THBS4: variants seen among roughly 807,000 people sequenced by gnomAD.
The protein encoded by THBS4 is thrombospondin-4.
In THBS4, 90 loss-of-function variants were observed where a neutral mutation model predicts 115.7. The observed-to-expected ratio is 0.78, with a 90% CI of 0.66 to 0.93. The LOEUF (loss-of-function observed/expected upper bound fraction) is 0.93. Among genes scored for constraint, THBS4 ranks in the 40% least tolerant of loss-of-function variants. The pLI is 0.00. For synonymous variants in THBS4, 460 were observed against 479.3 expected, an observed-to-expected ratio of 0.96 and a Z score of 0.53; for missense variants, 1,087 against 1,232.7, an observed-to-expected ratio of 0.88 and a Z score of 1.77.
chr5:79,996,334 T>A (rs1021965964), intron 1 of THBS4, among the ~76,000 whole-genome samples: 4 of 152,236 alleles, frequency 2.6e-5, no homozygotes, highest in East Asian at 1.9e-4. Context: ...TCAGTTTTTT[T>A]AAATGGAAAT....
At chr5:80,015,368 A>G (rs1168778151) in intron 2 of THBS4, among the ~76,000 whole-genome samples, 2 of 152,028 alleles carry the variant, frequency 1.3e-5, no homozygotes, top group African/African-American at 4.8e-5. Flanking sequence ...TGGGGCTTGC[A>G]AGGCCTAGTC....
rs1490836062 is a variant in THBS4, at chr5:80,078,173, C to T, written c.2211C>T (p.Val737=). The T allele has an allele frequency of 6.2e-7, 1 of 1,609,422 alleles. No homozygotes were observed. The highest frequency in any genetic ancestry group is 1.3e-5 in the African/African-American group (1 of 74,854). ...LTDFRAYQTV[V]LDPEGDAQID... is the part of the protein sequence containing the mutation. Reference sequence around the variant, plus strand: ...ACTTCAGGGCTTACCAGACCGTGGTCCTGGATCCTGAAGGGGATGCCCAGA... The same window carrying T: ...ACTTCAGGGCTTACCAGACCGTGGTTCTGGATCCTGAAGGGGATGCCCAGA... Residue 737 remains valine (V), a synonymous_variant, in exon 17 of 22, where the codon GTC becomes GTT. Transcript: ENST00000350881.
intron 12 of THBS4, 34 bp downstream of exon 12, chr5:80,070,784 C>T (rs1834017817): frequency 6.2e-7 from 1 of 1,604,070 alleles, no homozygotes; most frequent in Non-Finnish European, 8.5e-7. Context: ...TGTGAATTGC[C>T]ACGTACCAGG....
Position 80,079,316 on chromosome 5 carries a change from A to AT in THBS4, c.2511+58_2511+59insT. 3 of 1,506,172 alleles carry AT rather than the reference A, an allele frequency of 2.0e-6. No homozygotes were observed. The East Asian group carries it at 6.8e-5, about 34-fold the overall frequency. The allele number at this position is 1,506,172 out of a possible 1,614,324, so 93.3% of individuals were successfully genotyped here. ...TCTTCTGGACCTCTCATCTTTTTTC[A>AT]GATATTGTGTTTTCCCATGTGGTAC... On this transcript the variant is annotated intron_variant, in intron 19 of 21. Transcript: ENST00000350881.
chr5:80,071,175 G>A lies in THBS4; in HGVS notation c.1715G>A (p.Gly572Glu), dbSNP rs1488555106. Residue 572 changes from glycine (G) to glutamate (E), a missense_variant, in exon 13 of 22, where the codon GGA (glycine) becomes GAA (glutamate). Coordinates refer to ENST00000350881, the MANE Select transcript of THBS4 (RefSeq NM_003248.6). ...RGDACDDDMD[G>E]DGIKNILDNC... The stretch of plus-strand genomic sequence containing the variant: ...GATGCCTGTGATGATGACATGGATG[G>A]AGATGGTAGATTTATCTTGCTTTTG... 6.4e-7 allele frequency: 1 copy of A among 1,573,038 alleles called. No individual in the cohort carries two copies. The highest frequency in any genetic ancestry group is 1.7e-4 in the Middle Eastern group (1 of 5,950).
intron 15 of THBS4, chr5:80,075,231 C>T (rs1205682329): frequency 1.3e-5 from 2 of 152,114 alleles, no homozygotes; most frequent in Non-Finnish European, 2.9e-5. Flanking sequence ...TACGGAACCG[C>T]GGATACAGAG....
chr5:80,043,505 G>C (rs916864156), intron 2 of THBS4, among the ~76,000 whole-genome samples: 1 of 152,138 alleles, frequency 6.6e-6, no homozygotes, highest in Non-Finnish European at 1.5e-5. Context: ...CGTGGAAAAC[G>C]GTGAAACAGA....
rs764216922 is a variant in THBS4, at chr5:80,079,097, A to G, written c.2350A>G (p.Thr784Ala). 6.2e-7 allele frequency: 1 copy of G among 1,613,798 alleles called. No homozygotes were observed. The highest frequency in any genetic ancestry group is 8.5e-7 in the Non-Finnish European group (1 of 1,179,832). ...TTTTAATGGAGTTGACTTCGAAGGG[A>G]CCTTCCATGTGAATACCCAGACAGA... ...TAFNGVDFEG[T>A]FHVNTQTDDD... is the part of the protein sequence containing the mutation. Residue 784 changes from threonine (T) to alanine (A), a missense_variant, in exon 19 of 22, where the codon ACC becomes GCC. Transcript: ENST00000350881.
At chr5:80,055,056 T>G (rs1047063915) in intron 2 of THBS4, among the ~76,000 whole-genome samples, 1 of 151,958 alleles carries the variant, frequency 6.6e-6, no homozygotes, top group Non-Finnish European at 1.5e-5. Context: ...GCACAGTGGC[T>G]CACACCTGTA....
Position 80,070,685 on chromosome 5 carries a change from G to A in THBS4, c.1495G>A (p.Asp499Asn), listed in dbSNP as rs772578141. The A allele has an allele frequency of 6.2e-7, 1 of 1,614,218 alleles. No individual in the cohort carries two copies. The highest frequency in any genetic ancestry group is 8.5e-7 in the Non-Finnish European group (1 of 1,180,044). ...GCCAAATTCTGGCCAAGAAGATGCA[G>A]ACAGAGATGGCATTGGCGACGCTTG... ...YVPNSGQEDA[D>N]RDGIGDACDE... Residue 499 changes from aspartate to asparagine, a missense_variant, in exon 12 of 22, where the codon GAC becomes AAC. Asp to Asn is a conservative substitution (Grantham distance 23). Around this residue, in one of 3 missense-constraint regions of THBS4, gnomAD observed 979 missense variants for 1,103.7 expected, o/e 0.89. Transcript: ENST00000350881.
In THBS4 at chr5:80,071,089, T is replaced by G. The variant is rs774628350; in HGVS notation, c.1629T>G (p.Cys543Trp). The G allele has an allele frequency of 1.9e-6, 3 of 1,613,116 alleles. No homozygotes were observed. In the East Asian group the frequency reaches 6.7e-5, roughly 36 times the overall value. ...ATAAAGATATCTTTGGGGATGCCTGTGATAACTGCCTGAGTGTCTTAAATA... is the reference window on the plus strand; with the variant it reads ...ATAAAGATATCTTTGGGGATGCCTGGGATAACTGCCTGAGTGTCTTAAATA... ...NSDKDIFGDA[C>W]DNCLSVLNND... is the part of the protein sequence containing the mutation. Residue 543 changes from cysteine (C) to tryptophan (W), a missense_variant, in exon 13 of 22, where the codon TGT (cysteine) becomes TGG (tryptophan). Cys to Trp is a radical substitution (Grantham distance 215). This residue lies in a region of THBS4 where 979 missense variants were observed against 1,103.7 expected (regional missense o/e 0.89). Coordinates refer to ENST00000350881, the MANE Select transcript of THBS4 (RefSeq NM_003248.6).
chr5:80,013,775 G>C (rs932963301), intron 2 of THBS4, among the ~76,000 whole-genome samples: 3 of 152,176 alleles, frequency 2.0e-5, no homozygotes, highest in Non-Finnish European at 4.4e-5. Context: ...GTAAAATAGA[G>C]ATATAATAAT....
chr5:80,058,961 G>A (rs1833530018), intron 5 of THBS4, among the ~76,000 whole-genome samples, 171 bp downstream of exon 5: 1 of 151,864 alleles, frequency 6.6e-6, no homozygotes, highest in African/African-American at 2.4e-5. Flanking sequence ...CTGGAAATGG[G>A]GTCCAAGCTC....
intron 20 of THBS4, among the ~76,000 whole-genome samples, chr5:80,081,673 A>G (rs1428945414): frequency 6.6e-6 from 1 of 152,236 alleles, no homozygotes; most frequent in East Asian, 1.9e-4. Flanking sequence ...TACCCTGGAA[A>G]ATATAGTTTA....
At chr5:80,022,201 C>T (rs1040601585) in intron 2 of THBS4, among the ~76,000 whole-genome samples, 8 of 152,180 alleles carry the variant, frequency 5.3e-5, no homozygotes, top group South Asian at 4.1e-4. Flanking sequence ...CTTTCCCTCT[C>T]AGGACTCAGG....
At chr5:80,060,018 C>T (rs1162552809) in intron 7 of THBS4, 113 bp downstream of exon 7, 1 of 1,044,170 alleles carries the variant, frequency 9.6e-7, no homozygotes, top group Non-Finnish European at 1.4e-6. Flanking sequence ...GTCCTCCAGG[C>T]TCCATTGAAA....
chr5:80,058,350 A>G, intron 4 of THBS4, 36 bp downstream of exon 4: 4 of 1,475,800 alleles, frequency 2.7e-6, no homozygotes, highest in Non-Finnish European at 3.7e-6. Context: ...GCCTTCATCA[A>G]CACAAACTCC....
chr5:80,065,409 G>T lies in THBS4; in HGVS notation c.1126G>T (p.Val376Phe), dbSNP rs2112116060. The change falls in exon 9 of 22, where the codon GTC (valine) becomes TTC (phenylalanine). Residue 376 changes from valine (V) to phenylalanine (F), a missense_variant and splice_region_variant. Physicochemically the swap from Val to Phe is conservative, Grantham distance 50. Coordinates refer to ENST00000350881, the MANE Select transcript of THBS4 (RefSeq NM_003248.6). ...GISFAKSNKQ[V>F]CTDIDECRNG... Reference sequence around the variant, plus strand: ...CTTTCTTTGAACTTTTCTGCACTAGGTCTGCACTGACATTGATGAGTGTCG... The same window carrying T: ...CTTTCTTTGAACTTTTCTGCACTAGTTCTGCACTGACATTGATGAGTGTCG... 1 of 1,612,132 alleles carries T rather than the reference G, an allele frequency of 6.2e-7. No individual in the cohort carries two copies. The highest frequency in any genetic ancestry group is 2.2e-5 in the East Asian group (1 of 44,796).
chr5:80,039,755 C>T (rs571288132), intron 1 of THBS4, among the ~76,000 whole-genome samples: 2 of 152,164 alleles, frequency 1.3e-5, no homozygotes, highest in Non-Finnish European at 2.9e-5. Flanking sequence ...GTACTTTAAG[C>T]CTTTAGTGCT....
Sources: gnomAD v4.1 joint callset for allele counts (sites outside exome capture counted in the v4.1 genomes callset) on GRCh38, gnomAD v4.1.1 for gene constraint, gnomAD v4.1.1 regional missense constraint, MANE v1.5 for transcripts, NCBI Gene and HGNC (gene_info 2026-07-23, HGNC 2026-07-21) for gene names.